SLTM: variants seen among roughly 807,000 people sequenced by gnomAD.
The protein encoded by SLTM is SAFB like transcription modulator, also known as SAFB-like transcription modulator.
In SLTM, 43 loss-of-function variants were observed where a neutral mutation model predicts 134.6. The observed-to-expected ratio is 0.32, with a 90% CI of 0.25 to 0.41. SLTM has a LOEUF of 0.41. SLTM is among the 10% of genes least tolerant of loss of function. The pLI, the probability that SLTM is intolerant of heterozygous loss-of-function variation, is 1.00. For synonymous variants in SLTM, 424 were observed against 432.3 expected (o/e 0.98, Z 0.24); for missense variants, 1,055 against 1,288.8 (o/e 0.82, Z 2.78).
At chr15:58,881,098 CAAG>C (rs1252606332) in intron 20 of SLTM, among the ~76,000 whole-genome samples, 1 of 151,904 alleles carries the variant, frequency 6.6e-6, no homozygotes, top group East Asian at 2.0e-4. Flanking sequence ...GCGGGCGGAT[CAAG>C]GAGAATTGCC....
At chr15:58,895,312 G>A (rs976462160) in intron 9 of SLTM, among the ~76,000 whole-genome samples, 4 of 152,008 alleles carry the variant, frequency 2.6e-5, no homozygotes, top group African/African-American at 7.2e-5. Context: ...ATAAAAAAGC[G>A]GACTTAAAAA....
chr15:58,919,360 T>C (rs2036863240), intron 2 of SLTM, among the ~76,000 whole-genome samples: 1 of 152,028 alleles, frequency 6.6e-6, no homozygotes, highest in South Asian at 2.1e-4. Context: ...TTTGGGAGGC[T>C]GGAGGGGGAG....
At chr15:58,923,079 G>A (rs996148288) in intron 2 of SLTM, among the ~76,000 whole-genome samples, 21 of 152,072 alleles carry the variant, frequency 1.4e-4, no homozygotes, top group Admixed American at 7.9e-4. Context: ...AAAACAGGTC[G>A]GGCATGGTAG....
intron 2 of SLTM, among the ~76,000 whole-genome samples, chr15:58,923,560 A>T (rs2037248121): frequency 6.6e-6 from 1 of 152,108 alleles, no homozygotes; most frequent in African/African-American, 2.4e-5. Flanking sequence ...AATTTTAAAG[A>T]CCAAATCACC....
chr15:58,921,269 G>T (rs541768039), intron 2 of SLTM, among the ~76,000 whole-genome samples: 7 of 152,304 alleles, frequency 4.6e-5, no homozygotes, highest in African/African-American at 1.7e-4. Flanking sequence ...TGAAAAATTA[G>T]ATTACAAAGC....
At chr15:58,908,002 C>CCTGCGTGTGTGT (rs145467179) in intron 5 of SLTM, among the ~76,000 whole-genome samples, 1 of 139,870 alleles carries the variant, frequency 7.1e-6, no homozygotes, top group African/African-American at 2.7e-5. Flanking sequence ...AAACATGCTG[C>CCTGCGTGTGTGT]GTGTGTGTGT....
chr15:58,931,551 C>A (rs1238329924), intron 2 of SLTM, among the ~76,000 whole-genome samples: 1 of 152,118 alleles, frequency 6.6e-6, no homozygotes, highest in Non-Finnish European at 1.5e-5. Flanking sequence ...AGGTAAAGAC[C>A]AGAATCCAGA....
rs543103083 is a variant in SLTM at position 58,916,591 on chromosome 15, A to T, written c.315+344T>A. ...AAAAGCTAAATGCAATGGCAGATAAAAAACAAATTACCAATATCCTTCCCT... is the reference window on the plus strand; with the variant it reads ...AAAAGCTAAATGCAATGGCAGATAATAAACAAATTACCAATATCCTTCCCT... On this transcript the variant is annotated intron_variant, in intron 3 of 20. Coordinates refer to ENST00000380516, the MANE Select transcript of SLTM (RefSeq NM_024755.4). 5.5e-5 allele frequency: 10 copies of T among 181,110 alleles called. No individual in the cohort carries two copies. The South Asian group carries it at 1.3e-3, about 23-fold the overall frequency. The allele number at this position is 181,110 out of a possible 1,614,324, so 11.2% of individuals were successfully genotyped here.
chr15:58,883,651 C>A lies in SLTM; in HGVS notation c.2971G>T (p.Ala991Ser). 1 of 1,614,136 alleles carries A rather than the reference C, an allele frequency of 6.2e-7. No homozygotes were observed. The highest frequency in any genetic ancestry group is 8.5e-7 in the Non-Finnish European group (1 of 1,180,006). The change falls in exon 20 of 21, where the codon GCA (alanine) becomes TCA (serine). Residue 991 changes from alanine (A) to serine (S), a missense_variant. Coordinates refer to ENST00000380516, the MANE Select transcript of SLTM (RefSeq NM_024755.4). ...TRRMGDGRAG[A>S]GMITQHSSNA... Reference sequence around the variant, plus strand: ...CTTGAATGTTGGGTTATCATGCCTGCTCCTGCCCGGCCGTCACCCATTCGC... The same window carrying A: ...CTTGAATGTTGGGTTATCATGCCTGATCCTGCCCGGCCGTCACCCATTCGC...
intron 2 of SLTM, chr15:58,921,518 T>C: frequency 2.4e-6 from 1 of 419,638 alleles, no homozygotes. Flanking sequence ...AACTTTGCTG[T>C]CCCATACTGT....
rs780175072 is a variant in SLTM at position 58,887,304 on chromosome 15, C to T, written c.2612G>A (p.Arg871Gln). ...TCTGGAAGGATTGGGCCCTGCCTCT[C>T]GAGGATGTCTAGGATGAGTGATATC... ...RPDITHPRHP[R>Q]EAGPNPSRPT... The change falls in exon 18 of 21, where the codon CGA (arginine) becomes CAA (glutamine). Residue 871 changes from arginine (R) to glutamine (Q), a missense_variant. Arg to Gln is a conservative substitution (Grantham distance 43, BLOSUM62 1). Transcript: ENST00000380516. The T allele has an allele frequency of 1.2e-6, 2 of 1,614,080 alleles. No individual in the cohort carries two copies. Among genetic ancestry groups the T allele is most frequent in the Non-Finnish European group, 1.7e-6 (2 of 1,180,026 alleles).
At chr15:58,909,374 T>G (rs941970510) in intron 5 of SLTM, among the ~76,000 whole-genome samples, 18 of 152,192 alleles carry the variant, frequency 1.2e-4, no homozygotes, top group African/African-American at 4.1e-4. Context: ...AACTGGCCAC[T>G]GTCAGAGATG....
At chr15:58,901,460 G>A (rs1394618900) in intron 5 of SLTM, among the ~76,000 whole-genome samples, 173 bp from the exon 6 acceptor site, 2 of 152,206 alleles carry the variant, frequency 1.3e-5, no homozygotes, top group African/African-American at 4.8e-5. Flanking sequence ...TCCATGTAGA[G>A]AGATATGTGG....
intron 5 of SLTM, among the ~76,000 whole-genome samples, chr15:58,902,965 G>A (rs1326478076): frequency 1.3e-5 from 2 of 151,864 alleles, no homozygotes; most frequent in Non-Finnish European, 2.9e-5. Flanking sequence ...GCAGTGGTGC[G>A]ATCTTGGCTC....
chr15:58,898,590 C>T, intron 8 of SLTM: 1 of 414,476 alleles, frequency 2.4e-6, no homozygotes, highest in Non-Finnish European at 4.1e-6. Flanking sequence ...TTTAACGTAC[C>T]CCATTACCAG....
chr15:58,890,288 A>G lies in SLTM; in HGVS notation c.2072T>C (p.Ile691Thr). 6.2e-7 allele frequency: 1 copy of G among 1,614,106 alleles called. No individual in the cohort carries two copies. The highest frequency in any genetic ancestry group is 8.5e-7 in the Non-Finnish European group (1 of 1,179,962). Residue 691 changes from isoleucine (I) to threonine (T), a missense_variant, in exon 15 of 21, where the codon ATT becomes ACT. Ile to Thr is a moderately conservative substitution (Grantham distance 89). Coordinates refer to ENST00000380516, the MANE Select transcript of SLTM (RefSeq NM_024755.4). ...AAGATTTTCTGACTGCACCTGTTCA[A>G]TACGAATGCGTTCCCTTTCCAAGCG... is the stretch of plus-strand genomic sequence containing the variant. ...RERLERERIR[I>T]EQERRKEAER...
chr15:58,909,459 G>A (rs1475412986), intron 5 of SLTM, among the ~76,000 whole-genome samples: 2 of 152,188 alleles, frequency 1.3e-5, no homozygotes, highest in African/African-American at 4.8e-5. Context: ...TGGCTTTCCT[G>A]TGTAAATGAT....
chr15:58,929,141 A>T (rs2037686820), intron 2 of SLTM, among the ~76,000 whole-genome samples: 1 of 152,210 alleles, frequency 6.6e-6, no homozygotes, highest in Non-Finnish European at 1.5e-5. Flanking sequence ...TGGCAAAAAG[A>T]ATTGAATGTA....
chr15:58,889,166 A>G (rs2034464753), intron 16 of SLTM: 1 of 327,848 alleles, frequency 3.1e-6, no homozygotes, highest in Non-Finnish European at 5.7e-6. Context: ...AAATCTGTTT[A>G]ATTATTATTG....
Sources: allele counts gnomAD v4.1 joint callset (sites outside exome capture counted in the v4.1 genomes callset), GRCh38; gene constraint gnomAD v4.1.1; transcripts MANE v1.5; gene names NCBI Gene and HGNC (gene_info 2026-07-23, HGNC 2026-07-21).